OCA2: variants seen among roughly 807,000 people sequenced by gnomAD.
OCA2 encodes P protein.
In OCA2, 77 loss-of-function variants were observed where a neutral mutation model predicts 100.2. That is an observed-to-expected ratio of 0.77 (90% CI 0.64 to 0.93). OCA2 has a LOEUF of 0.93. Among genes scored for constraint, OCA2 ranks in the 40% least tolerant of loss-of-function variants. OCA2 has a pLI of 0.00. For missense variants in OCA2, 1,062 were observed against 1,089.1 expected, an observed-to-expected ratio of 0.98 and a Z score of 0.35; for synonymous variants, 432 against 439.2, an observed-to-expected ratio of 0.98 and a Z score of 0.21.
chr15:27,861,831 C>T (rs963434402), intron 21 of OCA2, among the ~76,000 whole-genome samples: 4 of 152,074 alleles, frequency 2.6e-5, no homozygotes, highest in African/African-American at 4.8e-5. Context: ...CCTGGAGACA[C>T]GGCAGCAAGT....
At chr15:27,899,128 T>C (rs2037823900) in intron 19 of OCA2, among the ~76,000 whole-genome samples, 2 of 152,184 alleles carry the variant, frequency 1.3e-5, no homozygotes, top group African/African-American at 4.8e-5. Flanking sequence ...GGCTCAATAT[T>C]TGAAAATTAA....
chr15:27,728,129 C>G, the OCA2 span, among the ~76,000 whole-genome samples: 1 of 152,206 alleles, frequency 6.6e-6, no homozygotes, highest in South Asian at 2.1e-4. Flanking sequence ...AAAATATCAT[C>G]TAAATCAGGC....
intron 21 of OCA2, among the ~76,000 whole-genome samples, chr15:27,870,603 C>T (rs28479631): frequency 0.021 from 3,169 of 151,944 alleles, 61 homozygotes; most frequent in Middle Eastern, 0.054. Context: ...GTTAGAATAG[C>T]TTTTGCCTCC....
chr15:27,884,370 G>A (rs2151560938), intron 19 of OCA2, among the ~76,000 whole-genome samples: 1 of 152,220 alleles, frequency 6.6e-6, no homozygotes, highest in Non-Finnish European at 1.5e-5. Flanking sequence ...GTGAGACCCT[G>A]TTTCAAAATA....
At chr15:27,819,435 G>A (rs1417122419) in intron 23 of OCA2, among the ~76,000 whole-genome samples, 1 of 152,208 alleles carries the variant, frequency 6.6e-6, no homozygotes, top group Non-Finnish European at 1.5e-5. Context: ...CCATCTCCAA[G>A]GGAGAAGTAA....
At chr15:27,804,967 G>C (rs928634491) in intron 23 of OCA2, among the ~76,000 whole-genome samples, 2 of 152,252 alleles carry the variant, frequency 1.3e-5, no homozygotes, top group Non-Finnish European at 2.9e-5. Context: ...CCCGCTGGAC[G>C]TGCACTCTAG....
intron 19 of OCA2, among the ~76,000 whole-genome samples, chr15:27,877,255 A>C (rs776832457): frequency 1.4e-4 from 22 of 151,926 alleles, no homozygotes; most frequent in Non-Finnish European, 2.9e-4. Context: ...GTAATATTAT[A>C]ATCTTGGTGA....
chr15:28,040,853 C>T (rs2043181248), intron 2 of OCA2, among the ~76,000 whole-genome samples: 2 of 151,956 alleles, frequency 1.3e-5, no homozygotes, highest in South Asian at 2.1e-4. Context: ...AAAAACTTCC[C>T]AACAAAGAAA....
intron 14 of OCA2, among the ~76,000 whole-genome samples, chr15:27,976,486 TG>T (rs2040969294): frequency 6.6e-6 from 1 of 152,174 alleles, no homozygotes; most frequent in Non-Finnish European, 1.5e-5. Context: ...TTTTGCCAAA[TG>T]TTTTTTCTGC....
At chr15:27,941,115 G>C (rs1055378215) in intron 18 of OCA2, among the ~76,000 whole-genome samples, 2 of 152,124 alleles carry the variant, frequency 1.3e-5, no homozygotes, top group African/African-American at 2.4e-5. Context: ...TGAATATAAA[G>C]ACTGTCTTTC....
rs529604632 is a variant in OCA2 at position 27,758,176 on chromosome 15, C to A, written c.2433-2704G>T. ...GGAGGTGGGTTTCCTTTTTGTTTCC[C>A]CTCATATATCCTGGACTAGGTGCTG... On this transcript the variant is annotated intron_variant, in intron 23 of 23. Transcript: ENST00000354638. Among the ~76,000 whole-genome samples, 12 of 152,056 alleles carry A rather than the reference C, an allele frequency of 7.9e-5. No homozygotes were observed. The East Asian group carries it at 2.3e-3, about 29-fold the overall frequency.
intron 19 of OCA2, among the ~76,000 whole-genome samples, chr15:27,924,369 C>T (rs922736387): frequency 6.6e-6 from 1 of 151,448 alleles, no homozygotes; most frequent in Non-Finnish European, 1.5e-5. Flanking sequence ...AGTTCAAATC[C>T]ATGTTGTTCA....
chr15:28,037,704 G>T (rs2043084012), intron 2 of OCA2, among the ~76,000 whole-genome samples: 1 of 152,298 alleles, frequency 6.6e-6, no homozygotes. Flanking sequence ...TGATAACCCT[G>T]AAGGTAGATA....
chr15:27,795,819 G>A (rs1032006077), intron 23 of OCA2, among the ~76,000 whole-genome samples: 5 of 152,178 alleles, frequency 3.3e-5, no homozygotes, highest in Admixed American at 6.5e-5. Flanking sequence ...CACTCTTAGC[G>A]GTATGTCTCC....
At chr15:28,024,758 C>T in intron 5 of OCA2, 87 bp downstream of exon 5, 1 of 1,373,004 alleles carries the variant, frequency 7.3e-7, no homozygotes, top group Non-Finnish European at 1.0e-6. Flanking sequence ...CTGAGCCCCA[C>T]ACCTCAGGTT....
chr15:27,869,359 G>A (rs1449974034), intron 21 of OCA2, among the ~76,000 whole-genome samples: 1 of 152,236 alleles, frequency 6.6e-6, no homozygotes, highest in East Asian at 1.9e-4. Context: ...AGACCTGCCT[G>A]TTTATCTGTA....
At chr15:27,992,542 C>T (rs1566769568) in intron 9 of OCA2, among the ~76,000 whole-genome samples, 1 of 152,210 alleles carries the variant, frequency 6.6e-6, no homozygotes, top group Non-Finnish European at 1.5e-5. Flanking sequence ...TGAGCAGGCA[C>T]CAGAGCCAGG....
At chr15:27,977,068 C>G (rs1488495066) in intron 14 of OCA2, among the ~76,000 whole-genome samples, 1 of 152,120 alleles carries the variant, frequency 6.6e-6, no homozygotes, top group Non-Finnish European at 1.5e-5. Flanking sequence ...ATGATCTTCT[C>G]TAAGAATAGT....
chr15:27,881,605 T>C (rs145732244), intron 19 of OCA2, among the ~76,000 whole-genome samples: 1 of 152,216 alleles, frequency 6.6e-6, no homozygotes, highest in Non-Finnish European at 1.5e-5. Context: ...TGGGAGGGTG[T>C]ATGTGTCCAG....
Sources: allele counts gnomAD v4.1 joint callset (sites outside exome capture counted in the v4.1 genomes callset), GRCh38; gene constraint gnomAD v4.1.1; transcripts MANE v1.5; gene names NCBI Gene and HGNC (gene_info 2026-07-23, HGNC 2026-07-21).